TBCA: variants seen among roughly 807,000 people sequenced by gnomAD.
TBCA encodes tubulin folding cofactor A, also known as tubulin-specific chaperone A.
A neutral mutation model predicts 15.8 loss-of-function variants in TBCA; 6 were observed. That is an observed-to-expected ratio of 0.38 (90% CI 0.21 to 0.75). The LOEUF (loss-of-function observed/expected upper bound fraction) is 0.75. TBCA is among the 30% of genes least tolerant of loss of function. TBCA has a pLI of 0.46. For synonymous variants in TBCA, 32 were observed against 42.3 expected, an observed-to-expected ratio of 0.76 and a Z score of 0.94; for missense variants, 90 against 131.2, an observed-to-expected ratio of 0.69 and a Z score of 1.53.
chr5:77,725,529 A>G (rs927025771), intron 1 of TBCA, among the ~76,000 whole-genome samples: 9 of 152,238 alleles, frequency 5.9e-5, no homozygotes, highest in African/African-American at 2.2e-4. Flanking sequence ...ATCGCTATTG[A>G]TAATGATTCT....
At chr5:77,768,144 C>A (rs1167715711) in intron 1 of TBCA, among the ~76,000 whole-genome samples, 1 of 152,156 alleles carries the variant, frequency 6.6e-6, no homozygotes, top group Non-Finnish European at 1.5e-5. Flanking sequence ...ATAAATTTCT[C>A]TTATTTATAA....
At chr5:77,773,939 G>T (rs149503493) in intron 1 of TBCA, among the ~76,000 whole-genome samples, 63 of 152,288 alleles carry the variant, frequency 4.1e-4, no homozygotes, top group African/African-American at 1.4e-3. Context: ...AATGAACACT[G>T]AAGGGTCTAC....
At chr5:77,703,325 C>A (rs1288589237) in intron 2 of TBCA, among the ~76,000 whole-genome samples, 1 of 152,082 alleles carries the variant, frequency 6.6e-6, no homozygotes, top group Non-Finnish European at 1.5e-5. Context: ...AATCATTATG[C>A]CCCAGGATAG....
intron 1 of TBCA, among the ~76,000 whole-genome samples, chr5:77,757,803 C>T (rs1747510795): frequency 1.3e-5 from 2 of 152,172 alleles, no homozygotes; most frequent in South Asian, 4.1e-4. Flanking sequence ...CTCAGGAGGT[C>T]CTGATGACAT....
intron 1 of TBCA, among the ~76,000 whole-genome samples, chr5:77,759,333 A>G (rs1747550899): frequency 6.6e-6 from 1 of 152,226 alleles, no homozygotes; most frequent in Non-Finnish European, 1.5e-5. Context: ...TGAAGCCTCC[A>G]GGTAGCAGAC....
At position 77,773,072 on chromosome 5, in the gene TBCA, T is replaced by C. The variant is rs138407263; in HGVS notation, c.53+3133A>G. On this transcript the variant is annotated intron_variant, in intron 1 of 3. Coordinates refer to ENST00000380377, the MANE Select transcript of TBCA (RefSeq NM_004607.3). ...ACTCTGCAACACACCCTGATAGTTC[T>C]GCCAAATATACTGACTAAAATGACA... 1.5e-3 allele frequency among the ~76,000 whole-genome samples: 222 copies of C among 152,332 alleles called. 6 individuals carry two copies. The East Asian group carries it at 0.037, about 25-fold the overall frequency.
chr5:77,731,867 G>C (rs1339663775), intron 1 of TBCA, among the ~76,000 whole-genome samples: 2 of 152,272 alleles, frequency 1.3e-5, no homozygotes, highest in African/African-American at 2.4e-5. Context: ...AATAGTTAAA[G>C]AGGAGAAAAT....
At chr5:77,712,611 TAC>T (rs1420789223) in intron 1 of TBCA, among the ~76,000 whole-genome samples, 3 of 152,234 alleles carry the variant, frequency 2.0e-5, no homozygotes, top group East Asian at 1.9e-4. Context: ...TCATAATCAC[TAC>T]AGATTCAAAA....
At chr5:77,716,496 AACTG>A (rs1343964263) in intron 1 of TBCA, among the ~76,000 whole-genome samples, 1 of 152,224 alleles carries the variant, frequency 6.6e-6, no homozygotes, top group Non-Finnish European at 1.5e-5. Flanking sequence ...GCTAACAACA[AACTG>A]ACCACTTACT....
intron 1 of TBCA, among the ~76,000 whole-genome samples, chr5:77,764,100 T>G (rs1747718150): frequency 6.6e-6 from 1 of 151,854 alleles, no homozygotes; most frequent in African/African-American, 2.4e-5. Context: ...TCAACATAGG[T>G]GAAAAATGGT....
At chr5:77,753,976 G>A (rs1336879696) in intron 1 of TBCA, among the ~76,000 whole-genome samples, 3 of 152,084 alleles carry the variant, frequency 2.0e-5, no homozygotes, top group Non-Finnish European at 4.4e-5. Context: ...CGCTGGTCTC[G>A]AACTCCTGAC....
chr5:77,710,006 C>T (rs1181031707), intron 1 of TBCA, among the ~76,000 whole-genome samples: 3 of 152,054 alleles, frequency 2.0e-5, no homozygotes, highest in East Asian at 1.9e-4. Context: ...CTGGGGACAA[C>T]AGGGGAATTG....
chr5:77,749,043 G>T (rs1008126909), intron 1 of TBCA, among the ~76,000 whole-genome samples: 1 of 152,202 alleles, frequency 6.6e-6, no homozygotes, highest in Admixed American at 6.5e-5. Flanking sequence ...TTCTTGTAAT[G>T]TCATGACTTT....
rs533659243 is a variant in TBCA, at chr5:77,763,000, T to C, written c.53+13205A>G. On this transcript the variant is annotated intron_variant, in intron 1 of 3. Transcript: ENST00000380377. ...GGCTCACGCCTGTAATCCCAGCACT[T>C]TGGGAGGCCGAGGCAGGCGGATCAC... Among the ~76,000 whole-genome samples, 9 of 152,234 alleles carry C rather than the reference T, an allele frequency of 5.9e-5. No homozygotes were observed. The South Asian group carries it at 1.9e-3, about 32-fold the overall frequency.
intron 1 of TBCA, among the ~76,000 whole-genome samples, chr5:77,755,750 A>C (rs961276363): frequency 6.6e-6 from 1 of 152,136 alleles, no homozygotes; most frequent in African/African-American, 2.4e-5. Context: ...CACACCTGTA[A>C]TCCCAGCACT....
chr5:77,692,813 T>G (rs1239617387), intron 3 of TBCA: 9 of 1,062,120 alleles, frequency 8.5e-6, no homozygotes, highest in Non-Finnish European at 1.0e-5. Flanking sequence ...CTACATAGAT[T>G]ACCAGGTTTT....
intron 1 of TBCA, among the ~76,000 whole-genome samples, chr5:77,742,017 C>G (rs1431158713): frequency 6.6e-6 from 1 of 152,152 alleles, no homozygotes; most frequent in East Asian, 1.9e-4. Flanking sequence ...TTTTATCACT[C>G]TTAAGGAACT....
intron 2 of TBCA, among the ~76,000 whole-genome samples, chr5:77,700,047 A>AAG (rs1554043245): frequency 8.7e-4 from 131 of 149,970 alleles, no homozygotes; most frequent in African/African-American, 3.0e-3. Flanking sequence ...AAAAAAAAAA[A>AAG]AAAGAAAATT....
intron 1 of TBCA, among the ~76,000 whole-genome samples, chr5:77,747,251 T>A (rs1580124706): frequency 6.6e-6 from 1 of 152,106 alleles, no homozygotes; most frequent in Admixed American, 6.5e-5. Context: ...TCTTACTATG[T>A]GATTGAAAAA....
Sources: gnomAD v4.1 joint callset for allele counts (sites outside exome capture counted in the v4.1 genomes callset) on GRCh38, gnomAD v4.1.1 for gene constraint, MANE v1.5 for transcripts, NCBI Gene and HGNC (gene_info 2026-07-23, HGNC 2026-07-21) for gene names.